FHOD3: variants seen among roughly 807,000 people sequenced by gnomAD.
FHOD3 encodes formin homology 2 domain containing 3.
FHOD3 carries 90 observed loss-of-function variants against 173.0 expected under a neutral mutation model. That is an observed-to-expected ratio of 0.52 (90% confidence interval 0.44 to 0.62). The LOEUF is 0.62. Ranked by LOEUF, FHOD3 falls within the 20% of genes least tolerant of loss-of-function variation. The pLI is 0.00. For missense variants in FHOD3, 1,945 were observed against 2,034.7 expected (o/e 0.96, Z 0.85); for synonymous variants, 828 against 823.0 (o/e 1.01, Z -0.10).
At chr18:36,328,220 A>G (rs2044774788) in intron 1 of FHOD3, among the ~76,000 whole-genome samples, 1 of 152,192 alleles carries the variant, frequency 6.6e-6, no homozygotes, top group African/African-American at 2.4e-5. Context: ...GATAAAAAGA[A>G]TAGGTGAAGG....
chr18:36,514,977 G>C (rs182409341), intron 5 of FHOD3, among the ~76,000 whole-genome samples: 1 of 152,302 alleles, frequency 6.6e-6, no homozygotes, highest in East Asian at 1.9e-4. Flanking sequence ...GAGGGAGTTC[G>C]GAAAGAAAAC....
intron 3 of FHOD3, among the ~76,000 whole-genome samples, chr18:36,378,936 C>T (rs570141037): frequency 8.4e-4 from 128 of 152,256 alleles, no homozygotes; most frequent in African/African-American, 2.8e-3. Context: ...CTGCCCACCT[C>T]GGTCTCCCAA....
chr18:36,612,113 T>C lies in FHOD3; in HGVS notation c.957+18T>C, dbSNP rs1328048689. The C allele has an allele frequency of 6.2e-7, 1 of 1,610,836 alleles. No individual in the cohort carries two copies. The highest frequency in any genetic ancestry group is 1.1e-5 in the South Asian group (1 of 90,412). ...TTTATGAGGTACCAGACCATGCCTTTTGTAAGGTATCGTACAGCTTTGGCA... is the reference window on the plus strand; with the variant it reads ...TTTATGAGGTACCAGACCATGCCTTCTGTAAGGTATCGTACAGCTTTGGCA... On this transcript the variant is annotated intron_variant, in intron 9 of 28. Transcript: ENST00000590592.
At chr18:36,421,846 G>A (rs2050001362) in intron 3 of FHOD3, among the ~76,000 whole-genome samples, 1 of 152,274 alleles carries the variant, frequency 6.6e-6, no homozygotes, top group South Asian at 2.1e-4. Context: ...TAGTGTGGGG[G>A]AGTGGGTACC....
At chr18:36,598,206 A>T (rs2030793526) in intron 7 of FHOD3, among the ~76,000 whole-genome samples, 1 of 152,224 alleles carries the variant, frequency 6.6e-6, no homozygotes, top group African/African-American at 2.4e-5. Flanking sequence ...CTCATTCCTC[A>T]GCAGGGATGA....
intron 27 of FHOD3, among the ~76,000 whole-genome samples, chr18:36,762,933 A>G (rs918405133): frequency 2.7e-5 from 4 of 147,072 alleles, no homozygotes; most frequent in Non-Finnish European, 4.5e-5. Context: ...TATTATATAC[A>G]TTATATATAA....
At chr18:36,576,823 C>A (rs1374721793) in intron 6 of FHOD3, among the ~76,000 whole-genome samples, 2 of 152,110 alleles carry the variant, frequency 1.3e-5, no homozygotes, top group African/African-American at 4.8e-5. Flanking sequence ...TACCATAGGG[C>A]CGGGCGTGGT....
chr18:36,650,855 G>A (rs2036001148), intron 11 of FHOD3, among the ~76,000 whole-genome samples: 1 of 152,186 alleles, frequency 6.6e-6, no homozygotes, highest in Non-Finnish European at 1.5e-5. Flanking sequence ...TATTATACAG[G>A]TAGATGATTG....
At chr18:36,620,549 G>T (rs984801578) in intron 9 of FHOD3, among the ~76,000 whole-genome samples, 1 of 152,186 alleles carries the variant, frequency 6.6e-6, no homozygotes, top group Admixed American at 6.5e-5. Flanking sequence ...TAAGCCATAT[G>T]TCTCATGCCT....
intron 3 of FHOD3, among the ~76,000 whole-genome samples, chr18:36,399,738 T>A (rs777306939): frequency 2.0e-5 from 3 of 152,132 alleles, no homozygotes; most frequent in Non-Finnish European, 4.4e-5. Flanking sequence ...GCTCATTTGG[T>A]TTTAGAACAT....
At chr18:36,561,811 G>A (rs527604326) in intron 5 of FHOD3, among the ~76,000 whole-genome samples, 23 of 151,990 alleles carry the variant, frequency 1.5e-4, no homozygotes, top group African/African-American at 3.1e-4. Flanking sequence ...AAGATTTCTC[G>A]TTCTTTGACC....
chr18:36,616,140 G>A (rs2033174960), intron 9 of FHOD3, among the ~76,000 whole-genome samples: 1 of 152,202 alleles, frequency 6.6e-6, no homozygotes, highest in African/African-American at 2.4e-5. Context: ...AGATGGAAGA[G>A]GAAGAGAGCT....
At chr18:36,508,546 G>GTCA (rs1442761128) in intron 4 of FHOD3, among the ~76,000 whole-genome samples, 1 of 151,698 alleles carries the variant, frequency 6.6e-6, no homozygotes, top group African/African-American at 2.4e-5. Flanking sequence ...AGATGGAACA[G>GTCA]TGAGCATCAG....
At chr18:36,334,867 G>A (rs2045221993) in intron 1 of FHOD3, among the ~76,000 whole-genome samples, 1 of 152,084 alleles carries the variant, frequency 6.6e-6, no homozygotes, top group Non-Finnish European at 1.5e-5. Flanking sequence ...TGCCCCTCTG[G>A]CCCAAAGATA....
At chr18:36,470,410 G>A (rs528399733) in intron 3 of FHOD3, among the ~76,000 whole-genome samples, 10 of 152,290 alleles carry the variant, frequency 6.6e-5, no homozygotes, top group Non-Finnish European at 1.0e-4. Flanking sequence ...CGTCTATGAC[G>A]GTTGTCTTGT....
chr18:36,455,004 A>G (rs978663435), intron 3 of FHOD3, among the ~76,000 whole-genome samples: 2 of 152,174 alleles, frequency 1.3e-5, no homozygotes, highest in Non-Finnish European at 2.9e-5. Flanking sequence ...TTTGCTCTTC[A>G]AACCCGCTAA....
rs151251491 is a variant in FHOD3, at chr18:36,395,248, C to T, written c.337+22504C>T. On this transcript the variant is annotated intron_variant, in intron 3 of 28. Coordinates refer to ENST00000590592, the MANE Select transcript of FHOD3 (RefSeq NM_001281740.3). Reference sequence around the variant, plus strand: ...AGGAGAATGGCATGAACCTGGGAGGCGGAGCTTGCAGTGAGCCAAGATCAT... The same window carrying T: ...AGGAGAATGGCATGAACCTGGGAGGTGGAGCTTGCAGTGAGCCAAGATCAT... Among the ~76,000 whole-genome samples, 374 of 148,240 alleles carry T rather than the reference C, an allele frequency of 2.5e-3. 1 individual carries two copies. Among genetic ancestry groups the T allele is most frequent in the African/African-American group, 8.6e-3 (347 of 40,236 alleles).
chr18:36,704,512 C>T (rs1014851193), intron 17 of FHOD3, among the ~76,000 whole-genome samples: 1 of 152,188 alleles, frequency 6.6e-6, no homozygotes, highest in African/African-American at 2.4e-5. Context: ...CTTCCTCCAT[C>T]CAGGGTGGTT....
intron 2 of FHOD3, among the ~76,000 whole-genome samples, chr18:36,369,440 AAC>A (rs59109469): frequency 0.12 from 11,670 of 93,824 alleles, 612 homozygotes; most frequent in Middle Eastern, 0.16. Flanking sequence ...ATTTTATTTA[AAC>A]ACACACACAC....
Sources: gnomAD v4.1 joint callset for allele counts (sites outside exome capture counted in the v4.1 genomes callset) on GRCh38, gnomAD v4.1.1 for gene constraint, MANE v1.5 for transcripts, NCBI Gene and HGNC (gene_info 2026-07-23, HGNC 2026-07-21) for gene names.